The following OBSL1 variants were observed in gnomAD, a reference collection of about 807,000 sequenced individuals.
The protein encoded by OBSL1 is obscurin like cytoskeletal adaptor 1.
In OBSL1, 160 loss-of-function variants were observed where a neutral mutation model predicts 172.0. The ratio of observed to expected loss-of-function variants is 0.93; its 90% CI spans 0.82 to 1.06. The LOEUF (loss-of-function observed/expected upper bound fraction) is 1.06. OBSL1 is among the 50% of genes least tolerant of loss of function. The pLI, the probability that OBSL1 is intolerant of heterozygous loss-of-function variation, is 0.00. For synonymous variants in OBSL1, 1,200 were observed against 1,196.3 expected (o/e 1.00, Z -0.06); for missense variants, 2,681 against 2,715.4 (o/e 0.99, Z 0.28).
In OBSL1 at chr2:219,555,897, G is replaced by A. The variant is rs894861250; in HGVS notation, c.4609+123C>T. The stretch of plus-strand genomic sequence containing the variant: ...GCTTTGGGCAAGCTGCTGCTGGGAC[G>A]GCCATGGGTGACTTTTCTCAGCGAT... On this transcript the variant is annotated intron_variant, in intron 14 of 20. Coordinates refer to ENST00000404537, the MANE Select transcript of OBSL1 (RefSeq NM_015311.3). The A allele has an allele frequency of 1.1e-5, 16 of 1,485,568 alleles. 1 individual carries two copies. The East Asian group carries it at 1.2e-4, about 11-fold the overall frequency. 92.0% of individuals were successfully genotyped at this position (1,485,568 alleles called of 1,614,324 possible). A position where few individuals can be genotyped will look rare whatever the true frequency, so the allele number is the denominator to read the frequency against.
At chr2:219,552,287 C>T (rs1231749730) in intron 18 of OBSL1, 71 bp from the exon 19 acceptor site, 23 of 1,389,328 alleles carry the variant, frequency 1.7e-5, no homozygotes, top group Non-Finnish European at 2.1e-5. Flanking sequence ...GGTGGGGGCC[C>T]AGCAGGCCCC....
chr2:219,558,801 TC>T (rs1696238683), intron 9 of OBSL1, among the ~76,000 whole-genome samples: 1 of 152,212 alleles, frequency 6.6e-6, no homozygotes, highest in East Asian at 1.9e-4. Flanking sequence ...TCCACACCCA[TC>T]CCCACTTCCT....
At chr2:219,561,356 C>T (rs979252003) in intron 8 of OBSL1, among the ~76,000 whole-genome samples, 5 of 152,224 alleles carry the variant, frequency 3.3e-5, no homozygotes, top group Middle Eastern at 6.8e-3. Flanking sequence ...CCGAGGTCTC[C>T]GGCACTGAAC....
At position 219,568,186 on chromosome 2, in the gene OBSL1, C is replaced by G. The variant is rs199678301; in HGVS notation, c.1151G>C (p.Arg384Pro). 6.2e-7 allele frequency: 1 copy of G among 1,612,930 alleles called. No individual in the cohort carries two copies. The highest frequency in any genetic ancestry group is 1.3e-5 in the African/African-American group (1 of 75,064). ...FREDQRLLPC[R>P]KYEQIEEGTV... ...GCCCTCTTCGATCTGCTCGTACTTG[C>G]GGCAGGGCAGCAGCCGCTGGTCCTC... Residue 384 changes from arginine (R) to proline (P), a missense_variant, in exon 2 of 21, where the codon CGC (arginine) becomes CCC (proline). Coordinates refer to ENST00000404537, the MANE Select transcript of OBSL1 (RefSeq NM_015311.3). This position sits in a 1 kb window ranked among gnomAD's most constrained non-coding sequence, Gnocchi z 4.1.
At position 219,550,803 on chromosome 2, in the gene OBSL1, C is replaced by T; in HGVS notation, c.*32G>A. ...AAGGGCAAACGCCTTCCAAGCTGTC[C>T]AAGGGCACCCGCCTGGCCTGGTTAG... On this transcript the variant is annotated 3_prime_UTR_variant, in exon 21 of 21. Coordinates refer to ENST00000404537, the MANE Select transcript of OBSL1 (RefSeq NM_015311.3). The T allele has an allele frequency of 1.2e-6, 2 of 1,608,710 alleles. No individual in the cohort carries two copies. The highest frequency in any genetic ancestry group is 1.7e-6 in the Non-Finnish European group (2 of 1,177,646).
chr2:219,559,085 G>T, intron 9 of OBSL1, 140 bp downstream of exon 9: 1 of 797,758 alleles, frequency 1.3e-6, no homozygotes, highest in Non-Finnish European at 2.0e-6. Flanking sequence ...ATGTGGCTAA[G>T]CAGGATTCTG....
chr2:219,562,916 C>T (rs775649569), intron 7 of OBSL1: 17 of 561,526 alleles, frequency 3.0e-5, no homozygotes, highest in South Asian at 5.1e-5. Flanking sequence ...GGGTCAGCCT[C>T]GGCTGTAGAA....
intron 14 of OBSL1, chr2:219,555,087 G>A (rs960907218): frequency 3.4e-6 from 1 of 293,032 alleles, no homozygotes; most frequent in Admixed American, 4.6e-5. Flanking sequence ...TGTGTGCTAT[G>A]TGATCTTTGG....
chr2:219,557,819 T>A lies in OBSL1; in HGVS notation c.3790+4A>T. Reference sequence around the variant, plus strand: ...CTCAGGCTTAATGCCCAGGCTGTACTCACCAGCCACCTGGACGGTGAAGCT... The same window carrying A: ...CTCAGGCTTAATGCCCAGGCTGTACACACCAGCCACCTGGACGGTGAAGCT... On this transcript the variant is annotated splice_donor_region_variant and intron_variant, in intron 11 of 20. Coordinates refer to ENST00000404537, the MANE Select transcript of OBSL1 (RefSeq NM_015311.3). 1 of 1,595,630 alleles carries A rather than the reference T, an allele frequency of 6.3e-7. No homozygotes were observed.
chr2:219,552,711 C>T lies in OBSL1; in HGVS notation c.5147-14G>A. Reference sequence around the variant, plus strand: ...CCACAGTACGCTCTGGGGCGGAGCCCGGGGCGTGAGCGGGGCGGGGCAGAG... The same window carrying T: ...CCACAGTACGCTCTGGGGCGGAGCCTGGGGCGTGAGCGGGGCGGGGCAGAG... On this transcript the variant is annotated splice_polypyrimidine_tract_variant and intron_variant, in intron 17 of 20. Transcript: ENST00000404537. The T allele has an allele frequency of 6.6e-7, 1 of 1,516,754 alleles. No individual in the cohort carries two copies. The highest frequency in any genetic ancestry group is 8.8e-7 in the Non-Finnish European group (1 of 1,131,176). 94.0% of individuals were successfully genotyped at this position (1,516,754 alleles called of 1,614,324 possible). A position where few individuals can be genotyped will look rare whatever the true frequency, so the allele number is the denominator to read the frequency against.
chr2:219,547,975 A>G (rs375371532), downstream of OBSL1: 89 of 1,587,234 alleles, frequency 5.6e-5, no homozygotes, highest in African/African-American at 1.1e-3. Context: ...CTGTGCCCCC[A>G]CTCTGCTGGC....
intron 9 of OBSL1, 119 bp from the exon 10 acceptor site, chr2:219,558,578 C>T: frequency 3.3e-6 from 4 of 1,208,312 alleles, no homozygotes; most frequent in Non-Finnish European, 4.5e-6. Flanking sequence ...GTGCCAGCTG[C>T]AGTCCATGGA....
At chr2:219,554,284 A>T in intron 15 of OBSL1, 190 bp downstream of exon 15, 2 of 686,584 alleles carry the variant, frequency 2.9e-6, no homozygotes, top group African/African-American at 1.8e-5. Context: ...GGCCACACCC[A>T]GGCAGAGGAC....
rs1696155561 is a variant in OBSL1, at chr2:219,557,963, T to C, written c.3650A>G (p.Glu1217Gly). ...SHNGRPVQEGEGLELHAEGPR... is the reference protein window; with the variant it reads ...SHNGRPVQEGGGLELHAEGPR... ...GCCCTCGGCATGGAGCTCTAGGCCCTCGCCCTCCTGCACGGGCCTCCCATT... is the reference window on the plus strand; with the variant it reads ...GCCCTCGGCATGGAGCTCTAGGCCCCCGCCCTCCTGCACGGGCCTCCCATT... Residue 1217 changes from glutamate to glycine, a missense_variant, in exon 11 of 21, where the codon GAG (glutamate) becomes GGG (glycine). This residue lies in a region of OBSL1 where 1,765 missense variants were observed against 1,748.3 expected (regional missense o/e 1.01). Coordinates refer to ENST00000404537, the MANE Select transcript of OBSL1 (RefSeq NM_015311.3). The C allele has an allele frequency of 6.2e-7, 1 of 1,608,856 alleles. No individual in the cohort carries two copies. The highest frequency in any genetic ancestry group is 8.5e-7 in the Non-Finnish European group (1 of 1,178,992).
Position 219,553,622 on chromosome 2 carries a change from C to T in OBSL1, c.4941G>A (p.Thr1647=), listed in dbSNP as rs375870998. 3.1e-6 allele frequency: 5 copies of T among 1,613,814 alleles called. No homozygotes were observed. The African/African-American group carries it at 4.0e-5, about 13-fold the overall frequency. The change falls in exon 16 of 21, where the codon ACG becomes ACA. Residue 1647 remains threonine, a synonymous_variant. Transcript: ENST00000404537. ...AAGCTTGGGAAAGCTCGCACTCGAA[C>T]GTAGCTGTGTCGCCCTCGGTCACCT... ...DLEVTEGDTA[T]FECELSQALA... is the part of the protein sequence containing the mutation.
chr2:219,552,346 G>T (rs1458351265), intron 18 of OBSL1, 130 bp from the exon 19 acceptor site: 13 of 951,052 alleles, frequency 1.4e-5, no homozygotes, highest in Middle Eastern at 3.3e-4. Context: ...GCGGAACAGG[G>T]ATGCGGAGCG....
At chr2:219,569,107 G>A (rs1336136076) in intron 1 of OBSL1, 2 of 151,956 alleles carry the variant, frequency 1.3e-5, no homozygotes, top group Non-Finnish European at 2.9e-5. Context: ...AAGAAAACAG[G>A]ATGTTGGAAA....
At position 219,563,635 on chromosome 2, in the gene OBSL1, G is replaced by A. The variant is rs138175630; in HGVS notation, c.2408-8C>T. The A allele has an allele frequency of 1.6e-3, 2,495 of 1,608,200 alleles. 40 individuals carry two copies. In the African/African-American group the frequency reaches 0.03, roughly 19 times the overall value. ...CGATGTGCACGGGAGGATCTGGGTG[G>A]GAAGCAGAGATGGCATTGCACAGAC... On this transcript the variant is annotated splice_polypyrimidine_tract_variant and splice_region_variant and intron_variant, in intron 6 of 20. Coordinates refer to ENST00000404537, the MANE Select transcript of OBSL1 (RefSeq NM_015311.3).
At chr2:219,559,618 A>C in intron 8 of OBSL1, 121 bp from the exon 9 acceptor site, 1 of 862,886 alleles carries the variant, frequency 1.2e-6, no homozygotes. Context: ...AAATAATAAT[A>C]AGCAATAATA....
Sources: allele counts gnomAD v4.1 joint callset (sites outside exome capture counted in the v4.1 genomes callset), GRCh38; gene constraint gnomAD v4.1.1; regional missense constraint gnomAD v4.1.1; non-coding constraint Gnocchi (gnomAD v3.1); transcripts MANE v1.5; gene names NCBI Gene and HGNC (gene_info 2026-07-23, HGNC 2026-07-21).